ABI3BP: variants seen among roughly 807,000 people sequenced by gnomAD.
ABI3BP encodes the protein ABI family member 3 binding protein.
A neutral mutation model predicts 268.6 loss-of-function variants in ABI3BP; 216 were observed. The observed-to-expected ratio is 0.80, with a 90% CI of 0.72 to 0.90. The LOEUF (loss-of-function observed/expected upper bound fraction) is 0.90, where lower values mean the gene tolerates loss of function less well. ABI3BP is among the 40% of genes least tolerant of loss of function. ABI3BP has a pLI of 0.00. For missense variants in ABI3BP, 2,090 were observed against 2,182.4 expected, an observed-to-expected ratio of 0.96 and a Z score of 0.84; for synonymous variants, 730 against 730.0, an observed-to-expected ratio of 1.00 and a Z score of 0.00.
At chr3:100,956,267 C>T (rs1189656740) in intron 1 of ABI3BP, among the ~76,000 whole-genome samples, 1 of 143,422 alleles carries the variant, frequency 7.0e-6, no homozygotes. Flanking sequence ...ACACATATGG[C>T]ATGTCAAATG....
At chr3:100,784,905 G>C (rs537029115) in intron 57 of ABI3BP, among the ~76,000 whole-genome samples, 2 of 151,956 alleles carry the variant, frequency 1.3e-5, no homozygotes, top group Admixed American at 6.6e-5. Context: ...AGGAAGCTAG[G>C]GATAAAAAAC....
rs146503594 is a variant in ABI3BP at position 100,958,278 on chromosome 3, G to A, written c.80-31797C>T. Among the ~76,000 whole-genome samples the A allele has an allele frequency of 4.4e-3, 676 of 152,266 alleles. 16 individuals carry two copies. The highest frequency in any genetic ancestry group is 0.027 in the East Asian group (140 of 5,184). ...AAAAACAGTAAGTTGACTAAGAAAT[G>A]AGAAGGAGAACAAAGAAGAGATAAA... On this transcript the variant is annotated intron_variant, in intron 1 of 67. Transcript: ENST00000471714.
intron 1 of ABI3BP, among the ~76,000 whole-genome samples, chr3:100,969,901 C>T (rs138477801): frequency 6.6e-6 from 1 of 151,976 alleles, no homozygotes; most frequent in African/African-American, 2.4e-5. Context: ...TAAAGTTAGT[C>T]TTAATCAACA....
chr3:100,868,168 G>A (rs1006711400), intron 9 of ABI3BP, among the ~76,000 whole-genome samples: 1 of 152,144 alleles, frequency 6.6e-6, no homozygotes, highest in African/African-American at 2.4e-5. Flanking sequence ...AGAGTCCTAA[G>A]GCTATACAGA....
intron 31 of ABI3BP, 111 bp downstream of exon 31, chr3:100,832,153 A>T: frequency 9.9e-7 from 1 of 1,007,822 alleles, no homozygotes; most frequent in Non-Finnish European, 1.4e-6. Context: ...AGTAGCTTTT[A>T]CTCTTAAGAG....
At chr3:100,896,211 G>C (rs193230766) in intron 4 of ABI3BP, among the ~76,000 whole-genome samples, 1 of 152,136 alleles carries the variant, frequency 6.6e-6, no homozygotes, top group African/African-American at 2.4e-5. Flanking sequence ...GTAGAGCCAG[G>C]GTGCGTGTGC....
intron 22 of ABI3BP, 67 bp downstream of exon 22, chr3:100,840,753 C>G: frequency 1.5e-6 from 2 of 1,339,736 alleles, no homozygotes; most frequent in Non-Finnish European, 2.0e-6. Flanking sequence ...TAATGTGAGT[C>G]TGTCAACACA....
chr3:100,769,054 A>G (rs924099138), intron 62 of ABI3BP, among the ~76,000 whole-genome samples: 14 of 152,234 alleles, frequency 9.2e-5, no homozygotes, highest in African/African-American at 3.4e-4. Flanking sequence ...TTGTAAAGTC[A>G]GTTCAAGAGA....
chr3:100,785,018 T>C (rs1348664451), intron 57 of ABI3BP, among the ~76,000 whole-genome samples: 3 of 152,130 alleles, frequency 2.0e-5, no homozygotes, highest in Non-Finnish European at 4.4e-5. Context: ...ACCATTCATG[T>C]TTATCCATGT....
intron 57 of ABI3BP, among the ~76,000 whole-genome samples, chr3:100,786,231 A>C (rs563244813): frequency 1.2e-4 from 18 of 152,198 alleles, no homozygotes; most frequent in Non-Finnish European, 2.2e-4. Context: ...AAGAAAGAGG[A>C]AACAGTGAGC....
At chr3:100,827,001 A>AT (rs1015701766) in intron 34 of ABI3BP, among the ~76,000 whole-genome samples, 29 of 151,920 alleles carry the variant, frequency 1.9e-4, no homozygotes, top group South Asian at 8.3e-4. Context: ...TTTATATCCA[A>AT]TTTTTTTATC....
chr3:100,967,979 A>C (rs562202025), intron 1 of ABI3BP, among the ~76,000 whole-genome samples: 120 of 152,270 alleles, frequency 7.9e-4, no homozygotes, highest in African/African-American at 2.7e-3. Flanking sequence ...CACTGAAATG[A>C]CTGAGATTAG....
At chr3:100,882,283 C>T (rs917473490) in intron 6 of ABI3BP, among the ~76,000 whole-genome samples, 4 of 151,946 alleles carry the variant, frequency 2.6e-5, no homozygotes, top group African/African-American at 9.7e-5. Context: ...ATTGGGTATA[C>T]ACTTCTTTGG....
chr3:100,963,146 C>A (rs943163195), intron 1 of ABI3BP, among the ~76,000 whole-genome samples: 22 of 152,232 alleles, frequency 1.4e-4, no homozygotes, highest in Admixed American at 2.0e-4. Context: ...GATGTGGCTA[C>A]TAGTATCATC....
At chr3:100,767,837 T>C (rs1044687022) in intron 62 of ABI3BP, among the ~76,000 whole-genome samples, 5 of 152,184 alleles carry the variant, frequency 3.3e-5, no homozygotes, top group Admixed American at 6.5e-5. Flanking sequence ...CATCCTTGAG[T>C]TGTGGTTTGA....
intron 53 of ABI3BP, 50 bp from the exon 54 acceptor site, chr3:100,795,053 C>T (rs556037922): frequency 8.0e-5 from 94 of 1,181,630 alleles, no homozygotes; most frequent in Middle Eastern, 6.1e-4. Context: ...TCAAAGCCAG[C>T]ACCAGACCAG....
At position 100,837,133 on chromosome 3, in the gene ABI3BP, T is replaced by A. The variant is rs976658883; in HGVS notation, c.2122A>T (p.Met708Leu). ...PVPFETEAPS[M>L]TIVPTTDIEP... ...AAGAAAGCATCATTACCTATGGTCA[T>A]TGAGGGAGCTTCAGTTTCAAATGGA... Residue 708 changes from methionine (M) to leucine (L), a missense_variant, in exon 27 of 68, where the codon ATG (methionine) becomes TTG (leucine). Coordinates refer to ENST00000471714, the MANE Select transcript of ABI3BP (RefSeq NM_001375547.2). The A allele has an allele frequency of 1.3e-6, 2 of 1,534,606 alleles. No homozygotes were observed. The highest frequency in any genetic ancestry group is 2.7e-5 in the African/African-American group (2 of 72,922).
chr3:100,782,535 G>T (rs1212805568), intron 57 of ABI3BP, among the ~76,000 whole-genome samples: 1 of 152,046 alleles, frequency 6.6e-6, no homozygotes, highest in African/African-American at 2.4e-5. Flanking sequence ...CATTGGGAAG[G>T]GCCATGCAAA....
chr3:100,767,795 C>T (rs1187384311), intron 62 of ABI3BP, among the ~76,000 whole-genome samples: 1 of 151,908 alleles, frequency 6.6e-6, no homozygotes, highest in African/African-American at 2.4e-5. Context: ...ACAGGTGGTA[C>T]CTATTATTAT....
Sources: allele counts gnomAD v4.1 joint callset (sites outside exome capture counted in the v4.1 genomes callset), GRCh38; gene constraint gnomAD v4.1.1; transcripts MANE v1.5; gene names NCBI Gene and HGNC (gene_info 2026-07-23, HGNC 2026-07-21).